COL27A1: variants seen among roughly 807,000 people sequenced by gnomAD.
The protein encoded by COL27A1 is collagen alpha-1(XXVII) chain.
A neutral mutation model predicts 251.3 loss-of-function variants in COL27A1; 106 were observed. That is an observed-to-expected ratio of 0.42 (90% CI 0.36 to 0.50). The LOEUF (loss-of-function observed/expected upper bound fraction) is 0.50, where lower values mean the gene tolerates loss of function less well. Among genes scored for constraint, COL27A1 ranks in the 20% least tolerant of loss-of-function variants. The probability of loss-of-function intolerance (pLI) is 0.00; values close to 1 mark genes in which losing one functional copy is unlikely to be tolerated. For missense variants in COL27A1, 2,325 were observed against 2,522.8 expected, an observed-to-expected ratio of 0.92 and a Z score of 1.68; for synonymous variants, 1,000 against 986.3, an observed-to-expected ratio of 1.01 and a Z score of -0.26.
chr9:114,279,052 C>T (rs1249750), intron 37 of COL27A1, among the ~76,000 whole-genome samples: 117,886 of 152,036 alleles, frequency 0.78, 46,093 homozygotes, highest in East Asian at 0.98. Context: ...GTCTCCCTGC[C>T]CCTGTACCGG....
At chr9:114,247,463 A>C (rs1249711) in intron 24 of COL27A1, among the ~76,000 whole-genome samples, 70,660 of 152,078 alleles carry the variant, frequency 0.46, 16,655 homozygotes, top group African/African-American at 0.52. Flanking sequence ...ATTCATAGAG[A>C]CTGACAGAGA....
chr9:114,191,946 C>G (rs895591594), intron 5 of COL27A1, among the ~76,000 whole-genome samples: 1 of 152,160 alleles, frequency 6.6e-6, no homozygotes, highest in African/African-American at 2.4e-5. Flanking sequence ...CATCACTGGT[C>G]TCTCTGGTTT....
At chr9:114,269,371 C>A in intron 35 of COL27A1, 77 bp downstream of exon 35, 1 of 1,031,000 alleles carries the variant, frequency 9.7e-7, no homozygotes, top group African/African-American at 1.6e-5. Context: ...CGGCTTTTCT[C>A]AATCTCCCTA....
In COL27A1 at chr9:114,312,226, C is replaced by A. The variant is rs1310002594; in HGVS notation, c.*1531C>A. On this transcript the variant is annotated 3_prime_UTR_variant, in exon 61 of 61. Transcript: ENST00000356083. The stretch of plus-strand genomic sequence containing the variant: ...TGGATTTGATTTTTATTATTTAATA[C>A]CTCACTTTGGCCCGTCCCCCCTCCC... 2.0e-5 allele frequency: 3 copies of A among 152,110 alleles called. No homozygotes were observed. The highest frequency in any genetic ancestry group is 4.4e-5 in the Non-Finnish European group (3 of 68,022). 9.4% of individuals were successfully genotyped at this position (152,110 alleles called of 1,614,324 possible).
At chr9:114,247,838 C>T (rs946587183) in intron 24 of COL27A1, among the ~76,000 whole-genome samples, 1 of 152,354 alleles carries the variant, frequency 6.6e-6, no homozygotes. Context: ...GCTCACACCA[C>T]AGGACCTCCT....
At chr9:114,217,408 G>A (rs1216576785) in intron 12 of COL27A1, among the ~76,000 whole-genome samples, 5 of 152,084 alleles carry the variant, frequency 3.3e-5, no homozygotes, top group Admixed American at 3.3e-4. Context: ...GTGCAGTCAG[G>A]ACTGTCTTGG....
chr9:114,190,309 T>TCTCAAAC (rs1028825384), intron 5 of COL27A1, among the ~76,000 whole-genome samples: 1 of 152,242 alleles, frequency 6.6e-6, no homozygotes, highest in African/African-American at 2.4e-5. Flanking sequence ...TCTTGGTCTG[T>TCTCAAAC]CATCCAGGCT....
chr9:114,265,623 A>T, intron 32 of COL27A1, 148 bp downstream of exon 32: 1 of 725,926 alleles, frequency 1.4e-6, no homozygotes, highest in South Asian at 1.9e-5. Flanking sequence ...GGTGGCGAGC[A>T]CTAAGCCAGG....
chr9:114,224,648 C>CTTTTTTTTTT (rs5900075), intron 14 of COL27A1, among the ~76,000 whole-genome samples: 1 of 97,350 alleles, frequency 1.0e-5, no homozygotes, highest in Non-Finnish European at 1.9e-5. Context: ...CCTCCTGGTT[C>CTTTTTTTTTT]TTTTTTTTTT....
rs377391662 is a variant in COL27A1 at position 114,232,668 on chromosome 9, GTGCCTC to G, written c.2565+806_2565+811del. On this transcript the variant is annotated intron_variant, in intron 16 of 60. Transcript: ENST00000356083. Reference sequence around the variant, plus strand: ...CAGGTGACACCGCACCTGTCTCTAGGTGCCTCTGCTTCCTCCTACACCTGAGTCATA... The same window carrying G: ...CAGGTGACACCGCACCTGTCTCTAGGTGCTTCCTCCTACACCTGAGTCATA... 8.5e-5 allele frequency among the ~76,000 whole-genome samples: 13 copies of G among 152,328 alleles called. 1 individual carries two copies. Among genetic ancestry groups the G allele is most frequent in the African/African-American group, 2.4e-4 (10 of 41,572 alleles).
chr9:114,218,877 T>A (rs1164025143), intron 12 of COL27A1, among the ~76,000 whole-genome samples: 1 of 152,090 alleles, frequency 6.6e-6, no homozygotes, highest in African/African-American at 2.4e-5. Flanking sequence ...GAAAACAGGA[T>A]CATCCTCCAT....
rs561167836 is a variant in COL27A1, at chr9:114,290,630, A to G, written c.4369-180A>G. ...AGAATCCCGCCCTTCCCCACTCACA[A>G]TCCTCAGCTCCTCCTGTCCTCCTGG... On this transcript the variant is annotated intron_variant, in intron 47 of 60. Coordinates refer to ENST00000356083, the MANE Select transcript of COL27A1 (RefSeq NM_032888.4). The surrounding 1 kb of genome is among the most constrained non-coding windows in gnomAD (Gnocchi z 4.6). Among the ~76,000 whole-genome samples the G allele has an allele frequency of 3.3e-5, 5 of 151,850 alleles. No individual in the cohort carries two copies. The highest frequency in any genetic ancestry group is 9.7e-5 in the African/African-American group (4 of 41,382).
rs117649612 is a variant in COL27A1, at chr9:114,202,857, G to A, written c.2125-2245G>A. On this transcript the variant is annotated intron_variant, in intron 7 of 60. Coordinates refer to ENST00000356083, the MANE Select transcript of COL27A1 (RefSeq NM_032888.4). ...CTCTTCACCATCCCTCCCCAATGCC[G>A]TGTTCTCTGTCTGTAACTTTACTTC... is the stretch of plus-strand genomic sequence containing the variant. Among the ~76,000 whole-genome samples the A allele has an allele frequency of 5.2e-3, 793 of 152,100 alleles. 7 individuals carry two copies. Among genetic ancestry groups the A allele is most frequent in the African/African-American group, 5.9e-3 (245 of 41,494 alleles).
intron 28 of COL27A1, among the ~76,000 whole-genome samples, chr9:114,261,164 G>C (rs989418310): frequency 1.3e-5 from 2 of 152,170 alleles, no homozygotes; most frequent in Non-Finnish European, 2.9e-5. Context: ...GCTCATTCCC[G>C]CTTGTTCATC....
intron 1 of COL27A1, among the ~76,000 whole-genome samples, chr9:114,160,800 A>C (rs901398882): frequency 5.9e-5 from 9 of 152,280 alleles, no homozygotes; most frequent in African/African-American, 1.9e-4. Flanking sequence ...GTAGTGTGGC[A>C]TGTGCAGTGA....
intron 4 of COL27A1, among the ~76,000 whole-genome samples, chr9:114,179,877 C>G (rs923967391): frequency 7.5e-6 from 1 of 133,304 alleles, no homozygotes; most frequent in Non-Finnish European, 1.5e-5. Flanking sequence ...CTCGCTGTGT[C>G]TCCCAGGCTG....
At position 114,306,419 on chromosome 9, in the gene COL27A1, G is replaced by A. The variant is rs1286264658; in HGVS notation, c.4939-101G>A. The A allele has an allele frequency of 1.9e-5, 24 of 1,233,958 alleles. No homozygotes were observed. The South Asian group carries it at 2.9e-4, about 15-fold the overall frequency. 76.4% of individuals were successfully genotyped at this position (1,233,958 alleles called of 1,614,324 possible). On this transcript the variant is annotated intron_variant, in intron 57 of 60. Transcript: ENST00000356083. The stretch of plus-strand genomic sequence containing the variant: ...GTGCTCTAGCCATGACCGTGGAACC[G>A]AGATACCTCCCAGGTTGTGAGAACT...
chr9:114,222,952 T>C (rs1248611558), intron 14 of COL27A1, among the ~76,000 whole-genome samples: 1 of 152,184 alleles, frequency 6.6e-6, no homozygotes, highest in African/African-American at 2.4e-5. Context: ...TGGAAAATAT[T>C]GTTATAATAA....
intron 3 of COL27A1, among the ~76,000 whole-genome samples, chr9:114,175,027 A>G (rs1329241767): frequency 1.1e-4 from 1 of 9,300 alleles, no homozygotes; most frequent in Non-Finnish European, 1.8e-4. Context: ...CCAGGCTTGT[A>G]AAACCTCTCA....
Sources: gnomAD v4.1 joint callset for allele counts (sites outside exome capture counted in the v4.1 genomes callset) on GRCh38, gnomAD v4.1.1 for gene constraint, Gnocchi (gnomAD v3.1) non-coding constraint, MANE v1.5 for transcripts, NCBI Gene and HGNC (gene_info 2026-07-23, HGNC 2026-07-21) for gene names.